CCDC178: variants seen among roughly 807,000 people sequenced by gnomAD.
CCDC178 encodes coiled-coil domain containing 178, also known as coiled-coil domain-containing protein 178.
In CCDC178, 126 loss-of-function variants were observed where a neutral mutation model predicts 117.4. That is an observed-to-expected ratio of 1.07 (90% CI 0.93 to 1.24). The LOEUF (loss-of-function observed/expected upper bound fraction) is 1.24, where lower values mean the gene tolerates loss of function less well. Among genes scored for constraint, CCDC178 ranks in the 50% most tolerant of loss-of-function variants. The probability of loss-of-function intolerance (pLI) is 0.00; values close to 1 mark genes in which losing one functional copy is unlikely to be tolerated. For synonymous variants in CCDC178, 283 were observed against 313.4 expected, an observed-to-expected ratio of 0.90 and a Z score of 1.02; for missense variants, 1,030 against 986.9, an observed-to-expected ratio of 1.04 and a Z score of -0.59.
intron 21 of CCDC178, among the ~76,000 whole-genome samples, chr18:33,024,701 T>C (rs2056188823): frequency 1.3e-5 from 2 of 152,080 alleles, no homozygotes; most frequent in African/African-American, 4.8e-5. Context: ...TGCAGTGCAG[T>C]GGCACGATCT....
At chr18:33,005,291 A>T (rs770328574) in intron 21 of CCDC178, among the ~76,000 whole-genome samples, 7 of 152,096 alleles carry the variant, frequency 4.6e-5, no homozygotes, top group Non-Finnish European at 8.8e-5. Flanking sequence ...CCACAAAAAG[A>T]ATAAGGTCCT....
chr18:33,081,072 GCA>G (rs903502022), intron 21 of CCDC178, among the ~76,000 whole-genome samples: 1 of 152,100 alleles, frequency 6.6e-6, no homozygotes, highest in Admixed American at 6.5e-5. Context: ...AGTAGTAAGA[GCA>G]CAGTCAGTAA....
intron 21 of CCDC178, among the ~76,000 whole-genome samples, chr18:33,075,786 T>A (rs2057195947): frequency 1.3e-5 from 2 of 151,970 alleles, no homozygotes; most frequent in Admixed American, 1.3e-4. Context: ...CTGGCCAACA[T>A]GGTGAAACCC....
At chr18:33,024,932 C>T (rs1414244323) in intron 21 of CCDC178, among the ~76,000 whole-genome samples, 2 of 152,016 alleles carry the variant, frequency 1.3e-5, no homozygotes, top group Non-Finnish European at 2.9e-5. Context: ...GGATTACAGG[C>T]ATGAGCCACC....
At chr18:33,395,723 A>T (rs1413031555) in intron 4 of CCDC178, among the ~76,000 whole-genome samples, 1 of 152,138 alleles carries the variant, frequency 6.6e-6, no homozygotes, top group African/African-American at 2.4e-5. Flanking sequence ...TATTTTAAGC[A>T]TCATGGAATG....
intron 20 of CCDC178, among the ~76,000 whole-genome samples, chr18:33,132,243 T>G (rs2058075364): frequency 6.6e-6 from 1 of 151,716 alleles, no homozygotes; most frequent in African/African-American, 2.4e-5. Flanking sequence ...TGAAAAAAAG[T>G]TAAGGTGAAA....
At chr18:33,101,127 G>A (rs956547264) in intron 20 of CCDC178, among the ~76,000 whole-genome samples, 1 of 151,530 alleles carries the variant, frequency 6.6e-6, no homozygotes, top group African/African-American at 2.4e-5. Context: ...TTTTAATCCT[G>A]AATATATTTT....
chr18:33,362,360 TAC>T (rs945685239), intron 6 of CCDC178, among the ~76,000 whole-genome samples: 2 of 151,480 alleles, frequency 1.3e-5, no homozygotes, highest in Admixed American at 1.3e-4. Context: ...GGAGTTCAAA[TAC>T]ACAGGTAGAG....
chr18:33,422,766 G>T (rs2144938736), intron 2 of CCDC178, among the ~76,000 whole-genome samples: 1 of 152,266 alleles, frequency 6.6e-6, no homozygotes, highest in African/African-American at 2.4e-5. Flanking sequence ...GAAGCATGAT[G>T]AAAAAACACA....
At chr18:33,245,954 G>T (rs1375697599) in intron 14 of CCDC178, among the ~76,000 whole-genome samples, 1 of 151,810 alleles carries the variant, frequency 6.6e-6, no homozygotes, top group Non-Finnish European at 1.5e-5. Flanking sequence ...TGTCTCAGTT[G>T]TAGCAGCCAA....
Position 33,293,035 on chromosome 18 carries a change from T to C in CCDC178, c.1176+124A>G, listed in dbSNP as rs73419994. ...TTGTTATGCAGCAATAGAAAACTAA[T>C]ACAGGCAAATTGGCTAAATATAAAA... On this transcript the variant is annotated intron_variant, in intron 12 of 22. Coordinates refer to ENST00000383096, the MANE Select transcript of CCDC178 (RefSeq NM_001105528.4). The C allele has an allele frequency of 2.6e-3, 1,566 of 603,578 alleles. 21 individuals carry two copies. The African/African-American group carries it at 0.027, about 10-fold the overall frequency. The allele number at this position is 603,578 out of a possible 1,614,324, so 37.4% of individuals were successfully genotyped here. A position where few individuals can be genotyped will look rare whatever the true frequency, so the allele number is the denominator to read the frequency against.
intron 21 of CCDC178, among the ~76,000 whole-genome samples, chr18:32,997,849 T>G (rs987440511): frequency 6.6e-6 from 1 of 151,862 alleles, no homozygotes; most frequent in African/African-American, 2.4e-5. Flanking sequence ...CATTTTGATA[T>G]GAGAAAAAAA....
At chr18:33,106,841 G>A (rs2057712630) in intron 20 of CCDC178, among the ~76,000 whole-genome samples, 1 of 151,790 alleles carries the variant, frequency 6.6e-6, no homozygotes, top group African/African-American at 2.4e-5. Context: ...ATATGTATGG[G>A]AATTGAGATC....
chr18:33,168,345 T>G (rs2058557953), intron 20 of CCDC178, among the ~76,000 whole-genome samples: 1 of 152,174 alleles, frequency 6.6e-6, no homozygotes. Flanking sequence ...TAGAGAGTCG[T>G]CTTCCTATTG....
At chr18:33,214,147 C>T (rs916028650) in intron 19 of CCDC178, among the ~76,000 whole-genome samples, 1 of 151,964 alleles carries the variant, frequency 6.6e-6, no homozygotes, top group African/African-American at 2.4e-5. Context: ...TCTTAGATTC[C>T]CTGAGCCTCT....
At chr18:33,184,595 T>TTAAAATA (rs2058768398) in intron 20 of CCDC178, among the ~76,000 whole-genome samples, 2 of 152,068 alleles carry the variant, frequency 1.3e-5, no homozygotes, top group African/African-American at 4.8e-5. Context: ...AGAAAGTTGC[T>TTAAAATA]GCAGCCAAAG....
At chr18:33,306,474 TTATATATA>T (rs1795450883) in intron 11 of CCDC178, among the ~76,000 whole-genome samples, 1 of 101,966 alleles carries the variant, frequency 9.8e-6, no homozygotes, top group Non-Finnish European at 2.1e-5. Context: ...ATATATATGG[TTATATATA>T]ATATATGGTT....
At chr18:33,256,713 T>C (rs80243842) in intron 14 of CCDC178, among the ~76,000 whole-genome samples, 2,049 of 152,170 alleles carry the variant, frequency 0.013, 48 homozygotes, top group African/African-American at 0.047. Flanking sequence ...GAATATTTCT[T>C]TCAGATTTTC....
chr18:33,292,108 A>G (rs1170854874), intron 12 of CCDC178, among the ~76,000 whole-genome samples: 3 of 151,128 alleles, frequency 2.0e-5, no homozygotes, highest in African/African-American at 7.3e-5. Flanking sequence ...AGGAATCAGT[A>G]TGTCAAAGAG....
Sources: gnomAD v4.1 joint callset for allele counts (sites outside exome capture counted in the v4.1 genomes callset) on GRCh38, gnomAD v4.1.1 for gene constraint, MANE v1.5 for transcripts, NCBI Gene and HGNC (gene_info 2026-07-23, HGNC 2026-07-21) for gene names.